Variants in DPP8 observed in about 807,000 individuals in gnomAD.
The protein encoded by DPP8 is DPP VIII.
In DPP8, 31 loss-of-function variants were observed where a neutral mutation model predicts 107.5. The ratio of observed to expected loss-of-function variants is 0.29; its 90% CI spans 0.22 to 0.39. The LOEUF is 0.39. Ranked by LOEUF, DPP8 falls within the 10% of genes least tolerant of loss-of-function variation. The pLI is 1.00. For synonymous variants in DPP8, 381 were observed against 356.6 expected, an observed-to-expected ratio of 1.07 and a Z score of -0.77; for missense variants, 842 against 1,076.1, an observed-to-expected ratio of 0.78 and a Z score of 3.04.
At chr15:65,505,626 G>C (rs538886763) in intron 3 of DPP8, among the ~76,000 whole-genome samples, 12 of 152,038 alleles carry the variant, frequency 7.9e-5, no homozygotes, top group Non-Finnish European at 1.6e-4. Flanking sequence ...TATGTAAAGG[G>C]CAATGTTCAT....
intron 1 of DPP8, among the ~76,000 whole-genome samples, chr15:65,513,359 T>G (rs553015643): frequency 6.6e-6 from 1 of 152,302 alleles, no homozygotes; most frequent in South Asian, 2.1e-4. Context: ...ATTACAGGCA[T>G]GCACCACAAC....
intron 18 of DPP8, 64 bp downstream of exon 18, chr15:65,451,896 G>GCC: frequency 7.0e-7 from 1 of 1,438,208 alleles, no homozygotes; most frequent in Non-Finnish European, 9.2e-7. Context: ...CTACACTCCA[G>GCC]CCTAAGTGAC....
At chr15:65,499,670 T>C (rs898043612) in intron 4 of DPP8, among the ~76,000 whole-genome samples, 1 of 152,088 alleles carries the variant, frequency 6.6e-6, no homozygotes, top group African/African-American at 2.4e-5. Context: ...GCTCAAATGA[T>C]CCTCCCACCT....
intron 10 of DPP8, 53 bp downstream of exon 10, chr15:65,480,169 T>C (rs528794399): frequency 6.6e-7 from 1 of 1,521,130 alleles, no homozygotes; most frequent in East Asian, 2.3e-5. Flanking sequence ...ATAACTTCAT[T>C]TGCTTTAGCA....
intron 1 of DPP8, among the ~76,000 whole-genome samples, chr15:65,514,193 T>TA (rs1353705473): frequency 1.3e-5 from 2 of 152,228 alleles, no homozygotes; most frequent in Non-Finnish European, 2.9e-5. Context: ...TTGTCTTTTT[T>TA]CATGCTACAG....
chr15:65,486,767 T>C (rs967227233), intron 7 of DPP8, among the ~76,000 whole-genome samples: 1 of 152,094 alleles, frequency 6.6e-6, no homozygotes, highest in Admixed American at 6.6e-5. Context: ...CACTGATAAG[T>C]GGGAGCTAAG....
intron 11 of DPP8, chr15:65,475,537 G>A (rs1448828086): frequency 2.2e-6 from 3 of 1,336,608 alleles, no homozygotes; most frequent in Non-Finnish European, 3.2e-6. Flanking sequence ...AACCAGCCCG[G>A]TGCAATCCAT....
rs2065384971 is a variant in DPP8 at position 65,466,660 on chromosome 15, A to G, written c.1825+18T>C. The G allele has an allele frequency of 6.2e-7, 1 of 1,610,344 alleles. No individual in the cohort carries two copies. Among genetic ancestry groups the G allele is most frequent in the Non-Finnish European group, 8.5e-7 (1 of 1,177,002 alleles). On this transcript the variant is annotated intron_variant, in intron 14 of 19. Coordinates refer to ENST00000300141, the MANE Select transcript of DPP8 (RefSeq NM_130434.5). ...ATTAATCCTACTTAACGTCAGGATC[A>G]GGGGGAAAAAAGAATACCTGCTGAA... is the stretch of plus-strand genomic sequence containing the variant.
intron 4 of DPP8, among the ~76,000 whole-genome samples, chr15:65,499,345 G>A (rs1233570183): frequency 6.6e-6 from 1 of 151,604 alleles, no homozygotes; most frequent in Non-Finnish European, 1.5e-5. Context: ...CAATTCTCGT[G>A]CTTCAGCCTC....
intron 12 of DPP8, among the ~76,000 whole-genome samples, chr15:65,470,322 A>T (rs1032401387): frequency 2.0e-5 from 3 of 150,032 alleles, no homozygotes; most frequent in African/African-American, 7.3e-5. Context: ...ATAGAGGGAA[A>T]GGGCTGGGCA....
chr15:65,490,557 C>T (rs2067926547), intron 5 of DPP8, among the ~76,000 whole-genome samples: 2 of 152,138 alleles, frequency 1.3e-5, no homozygotes, highest in Non-Finnish European at 2.9e-5. Flanking sequence ...AATTAATTCA[C>T]ATAAAGCACT....
chr15:65,450,449 A>G (rs866608867), intron 19 of DPP8, among the ~76,000 whole-genome samples: 1 of 152,196 alleles, frequency 6.6e-6, no homozygotes, highest in South Asian at 2.1e-4. Flanking sequence ...ATCAACTGAA[A>G]TGTTAAAAAG....
intron 8 of DPP8, among the ~76,000 whole-genome samples, chr15:65,482,438 C>T (rs1056279031): frequency 6.6e-6 from 1 of 152,106 alleles, no homozygotes; most frequent in Non-Finnish European, 1.5e-5. Context: ...TATACCACCA[C>T]GCCCAGCTAA....
chr15:65,469,705 G>A (rs1292454088), intron 12 of DPP8, among the ~76,000 whole-genome samples: 4 of 150,790 alleles, frequency 2.7e-5, no homozygotes, highest in Non-Finnish European at 5.9e-5. Context: ...GTGTGGTAGT[G>A]GATGCCCATA....
At chr15:65,484,382 G>A (rs980052255) in intron 8 of DPP8, among the ~76,000 whole-genome samples, 12 of 151,750 alleles carry the variant, frequency 7.9e-5, no homozygotes, top group African/African-American at 1.9e-4. Context: ...GGGGGATGAC[G>A]GCTCAGGAGT....
chr15:65,514,205 T>G (rs2071158292), intron 1 of DPP8, among the ~76,000 whole-genome samples: 1 of 152,200 alleles, frequency 6.6e-6, no homozygotes, highest in African/African-American at 2.4e-5. Context: ...ATGCTACAGT[T>G]ACCTATGTTA....
chr15:65,452,152 G>C, intron 17 of DPP8, 50 bp from the exon 18 acceptor site: 1 of 1,558,816 alleles, frequency 6.4e-7, no homozygotes, highest in South Asian at 1.2e-5. Context: ...AAAGAGAGTG[G>C]CTAGCAGTGA....
intron 1 of DPP8, chr15:65,515,536 G>C (rs1194164588): frequency 1.3e-6 from 1 of 771,016 alleles, no homozygotes; most frequent in Middle Eastern, 2.4e-4. Flanking sequence ...CTCAAAATAG[G>C]TGACCTGAAT....
intron 12 of DPP8, among the ~76,000 whole-genome samples, chr15:65,470,492 G>A (rs931487670): frequency 4.6e-5 from 7 of 151,386 alleles, no homozygotes; most frequent in African/African-American, 1.5e-4. Flanking sequence ...TGTAATCCCA[G>A]CTAGTCAGGG....
Sources: gnomAD v4.1 joint callset for allele counts (sites outside exome capture counted in the v4.1 genomes callset) on GRCh38, gnomAD v4.1.1 for gene constraint, MANE v1.5 for transcripts, NCBI Gene and HGNC (gene_info 2026-07-23, HGNC 2026-07-21) for gene names.